RBFOX1: variants seen among roughly 807,000 people sequenced by gnomAD.
RBFOX1 encodes RNA binding protein fox-1 homolog 1.
A neutral mutation model predicts 57.7 loss-of-function variants in RBFOX1; 8 were observed. The observed-to-expected ratio is 0.14, with a 90% CI of 0.08 to 0.25. The LOEUF (loss-of-function observed/expected upper bound fraction) is 0.25. RBFOX1 is among the 10% of genes least tolerant of loss of function. The pLI, the probability that RBFOX1 is intolerant of heterozygous loss-of-function variation, is 1.00. For synonymous variants in RBFOX1, 326 were observed against 222.4 expected (o/e 1.47, Z -4.15); for missense variants, 611 against 548.5 (o/e 1.11, Z -1.14).
At chr16:6,451,042 A>G (rs983574449) in intron 2 of RBFOX1, among the ~76,000 whole-genome samples, 1 of 150,190 alleles carries the variant, frequency 6.7e-6, no homozygotes. Flanking sequence ...CCATTCTCCA[A>G]CCACACCTCC....
At chr16:5,534,916 AT>A (rs2044636999) in intron 2 of RBFOX1, among the ~76,000 whole-genome samples, 1 of 152,184 alleles carries the variant, frequency 6.6e-6, no homozygotes, top group Non-Finnish European at 1.5e-5. Flanking sequence ...AAAATGACCA[AT>A]TTTCAGAATA....
chr16:7,068,345 T>C (rs1026999404), intron 4 of RBFOX1, among the ~76,000 whole-genome samples: 5 of 152,196 alleles, frequency 3.3e-5, no homozygotes, highest in African/African-American at 1.2e-4. Flanking sequence ...TGTTCTGGGA[T>C]GGTCCACCTC....
At chr16:6,735,905 G>A (rs558544848) in intron 3 of RBFOX1, among the ~76,000 whole-genome samples, 1 of 146,198 alleles carries the variant, frequency 6.8e-6, no homozygotes, top group South Asian at 2.3e-4. Context: ...GTTGAAGAAT[G>A]AGGGAGTTTT....
intron 1 of RBFOX1, among the ~76,000 whole-genome samples, chr16:6,125,855 A>T (rs1018429561): frequency 6.6e-6 from 1 of 152,160 alleles, no homozygotes; most frequent in South Asian, 2.1e-4. Context: ...CTTCCTACTG[A>T]TACTGCCGGG....
At chr16:5,433,616 A>G (rs943171367) in intron 1 of RBFOX1, among the ~76,000 whole-genome samples, 2 of 152,238 alleles carry the variant, frequency 1.3e-5, no homozygotes, top group Non-Finnish European at 2.9e-5. Flanking sequence ...TATCCCAATT[A>G]CAAAAATAAT....
At chr16:6,371,328 T>G (rs1290781339) in intron 2 of RBFOX1, among the ~76,000 whole-genome samples, 1 of 152,208 alleles carries the variant, frequency 6.6e-6, no homozygotes, top group African/African-American at 2.4e-5. Context: ...CCCATTGCAC[T>G]TATATGTGTG....
At chr16:6,535,716 G>T (rs912696127) in intron 2 of RBFOX1, among the ~76,000 whole-genome samples, 7 of 152,148 alleles carry the variant, frequency 4.6e-5, no homozygotes, top group African/African-American at 1.7e-4. Flanking sequence ...ACAGCCCTTC[G>T]AGCAAGGGCT....
chr16:7,461,948 T>C (rs1394206277), intron 4 of RBFOX1, among the ~76,000 whole-genome samples: 1 of 152,194 alleles, frequency 6.6e-6, no homozygotes, highest in African/African-American at 2.4e-5. Flanking sequence ...CTTTTAATTT[T>C]TCAGCCTCCT....
chr16:6,854,486 G>T (rs1035736225), intron 3 of RBFOX1, among the ~76,000 whole-genome samples: 4 of 151,704 alleles, frequency 2.6e-5, no homozygotes, highest in Non-Finnish European at 5.9e-5. Flanking sequence ...GAAATAGGAA[G>T]TTTAGCGAAG....
intron 2 of RBFOX1, among the ~76,000 whole-genome samples, chr16:5,494,063 C>A (rs2042920705): frequency 6.6e-6 from 1 of 152,150 alleles, no homozygotes; most frequent in Non-Finnish European, 1.5e-5. Context: ...AGGTGGGGTC[C>A]CATTTCAATG....
chr16:7,569,472 C>A (rs2092542670), intron 5 of RBFOX1, among the ~76,000 whole-genome samples: 1 of 152,178 alleles, frequency 6.6e-6, no homozygotes, highest in Non-Finnish European at 1.5e-5. Flanking sequence ...TGGGGGTTCT[C>A]TTCCATGCCA....
intron 3 of RBFOX1, among the ~76,000 whole-genome samples, chr16:6,883,755 T>C (rs779064837): frequency 2.0e-5 from 3 of 152,202 alleles, no homozygotes; most frequent in South Asian, 2.1e-4. Flanking sequence ...ACAGTTCTTA[T>C]AGATGTTGTG....
chr16:5,658,133 A>G (rs1373488928), intron 3 of RBFOX1, among the ~76,000 whole-genome samples: 5 of 152,190 alleles, frequency 3.3e-5, no homozygotes, highest in Admixed American at 2.0e-4. Context: ...GAGCAAAGCA[A>G]TGCCAGGATT....
At chr16:7,198,094 C>G (rs928580545) in intron 4 of RBFOX1, among the ~76,000 whole-genome samples, 2 of 148,894 alleles carry the variant, frequency 1.3e-5, no homozygotes, top group African/African-American at 5.0e-5. Context: ...CAAGCTCCAC[C>G]TCCTGGGTTC....
chr16:5,878,198 G>A (rs1453336258), intron 4 of RBFOX1, among the ~76,000 whole-genome samples: 1 of 152,186 alleles, frequency 6.6e-6, no homozygotes, highest in African/African-American at 2.4e-5. Context: ...GGGCACTGAA[G>A]GTGACTCTTC....
At chr16:7,452,584 C>G (rs1353880591) in intron 4 of RBFOX1, among the ~76,000 whole-genome samples, 1 of 152,158 alleles carries the variant, frequency 6.6e-6, no homozygotes, top group Non-Finnish European at 1.5e-5. Context: ...GGATTGATAT[C>G]TTTATTTATT....
chr16:6,571,462 C>A (rs1334293814), intron 2 of RBFOX1, among the ~76,000 whole-genome samples: 2 of 152,106 alleles, frequency 1.3e-5, no homozygotes, highest in Non-Finnish European at 2.9e-5. Flanking sequence ...GTTGTGTATG[C>A]TTCATATAGA....
intron 4 of RBFOX1, among the ~76,000 whole-genome samples, chr16:7,074,423 C>G (rs1224081530): frequency 6.6e-6 from 1 of 151,690 alleles, no homozygotes; most frequent in East Asian, 1.9e-4. Flanking sequence ...TTGCATCAAC[C>G]TAATAAAATT....
chr16:6,894,771 T>C (rs1018985545), intron 3 of RBFOX1, among the ~76,000 whole-genome samples: 4 of 152,214 alleles, frequency 2.6e-5, no homozygotes, highest in African/African-American at 9.7e-5. Flanking sequence ...TTCTATTATC[T>C]TAAAAAGCCA....
Sources: gnomAD v4.1 joint callset for allele counts (sites outside exome capture counted in the v4.1 genomes callset) on GRCh38, gnomAD v4.1.1 for gene constraint, MANE v1.5 for transcripts, NCBI Gene and HGNC (gene_info 2026-07-23, HGNC 2026-07-21) for gene names.